LIX1L: variants seen among roughly 807,000 people sequenced by gnomAD.
LIX1L encodes LIX1-like protein.
Under a neutral mutation model 34.0 loss-of-function variants are expected in LIX1L, and 20 were observed. That is an observed-to-expected ratio of 0.59 (90% CI 0.41 to 0.85). LIX1L has a LOEUF of 0.85. LIX1L is among the 40% of genes least tolerant of loss of function. The pLI is 0.00. For missense variants in LIX1L, 397 were observed against 447.0 expected, an observed-to-expected ratio of 0.89 and a Z score of 1.01; for synonymous variants, 170 against 187.4, an observed-to-expected ratio of 0.91 and a Z score of 0.76.
In LIX1L at chr1:145,936,502, G is replaced by A. The variant is rs782438669; in HGVS notation, c.822C>T (p.His274=). The change falls in exon 6 of 6, where the codon CAC becomes CAT. Residue 274 remains histidine, a synonymous_variant. Transcript: ENST00000604000. ...SHRALDDDIR[H]QMALDWVSRE... is the part of the protein sequence containing the mutation. ...GGCTCACCCAGTCCAAGGCCATTTG[G>A]TGGCGAATATCATCATCCAGGGCCC... 1 of 1,614,178 alleles carries A rather than the reference G, an allele frequency of 6.2e-7. No homozygotes were observed. The highest frequency in any genetic ancestry group is 1.1e-5 in the South Asian group (1 of 91,078).
At chr1:145,939,305 ATTT>A (rs61153888) in intron 3 of LIX1L, among the ~76,000 whole-genome samples, 2 of 137,430 alleles carry the variant, frequency 1.5e-5, no homozygotes, top group Non-Finnish European at 1.6e-5. Flanking sequence ...TGGAACCATA[ATTT>A]TTTTTTTTTT....
chr1:145,945,349 T>C (rs193035122), intron 2 of LIX1L, among the ~76,000 whole-genome samples: 7 of 150,672 alleles, frequency 4.6e-5, no homozygotes, highest in Non-Finnish European at 1.5e-5. Flanking sequence ...AAGACAATTC[T>C]CCTCTTTCCA....
chr1:145,945,381 C>T (rs976225217), intron 2 of LIX1L, among the ~76,000 whole-genome samples: 3 of 151,110 alleles, frequency 2.0e-5, no homozygotes, highest in Admixed American at 6.6e-5. Flanking sequence ...AATCAAATTA[C>T]TATAATGTTT....
Position 145,957,989 on chromosome 1 carries a change from C to T in LIX1L, c.-62G>A. 3.3e-6 allele frequency: 4 copies of T among 1,198,710 alleles called. No homozygotes were observed. The highest frequency in any genetic ancestry group is 1.9e-5 in the South Asian group (1 of 53,594). 74.3% of individuals were successfully genotyped at this position (1,198,710 alleles called of 1,614,324 possible). A position where few individuals can be genotyped will look rare whatever the true frequency, so the allele number is the denominator to read the frequency against. ...AGCCTGCCGAGCTAACGGTCCCAAC[C>T]ACCCCAGTCAGCTAGCGCCTGGGGA... is the stretch of plus-strand genomic sequence containing the variant. On this transcript the variant is annotated 5_prime_UTR_variant, in exon 1 of 6. Coordinates refer to ENST00000604000, the MANE Select transcript of LIX1L (RefSeq NM_153713.3).
intron 3 of LIX1L, among the ~76,000 whole-genome samples, chr1:145,940,298 C>T (rs1553758441): frequency 6.6e-6 from 1 of 151,818 alleles, no homozygotes; most frequent in East Asian, 1.9e-4. Flanking sequence ...ATAAATACTG[C>T]ACATCCTACT....
chr1:145,951,127 A>G (rs1211597196), intron 1 of LIX1L, among the ~76,000 whole-genome samples: 1 of 151,972 alleles, frequency 6.6e-6, no homozygotes, highest in Non-Finnish European at 1.5e-5. Flanking sequence ...GCTCACTGCA[A>G]CCTCTACCTC....
intron 2 of LIX1L, among the ~76,000 whole-genome samples, 159 bp from the exon 3 acceptor site, chr1:145,943,012 T>C (rs1648979065): frequency 6.6e-6 from 1 of 152,222 alleles, no homozygotes; most frequent in Non-Finnish European, 1.5e-5. Context: ...GGTAAAGTGG[T>C]TGGGATGTTT....
intron 4 of LIX1L, 170 bp downstream of exon 4, chr1:145,937,434 C>T: frequency 2.0e-6 from 1 of 495,980 alleles, no homozygotes. Context: ...GCTGGGATTA[C>T]AGGCCTGAGC....
chr1:145,941,734 C>T (rs1162272575), intron 3 of LIX1L, among the ~76,000 whole-genome samples: 2 of 152,136 alleles, frequency 1.3e-5, no homozygotes, highest in African/African-American at 4.8e-5. Flanking sequence ...CATTCCACTT[C>T]TGTGTTTTTA....
chr1:145,937,568 ATGTTATTAGAACCAGGGAAGTACATGGG>A lies in LIX1L; in HGVS notation c.693+8_693+35del. ...ATATATTACAGTAGCAGGCTGACCC[ATGTTATTAGAACCAGGGAAGTACATGGG>A]AAAGTACCTGGAACTCCAACATTGA... is the stretch of plus-strand genomic sequence containing the variant. On this transcript the variant is annotated splice_region_variant and intron_variant, in intron 4 of 5. Transcript: ENST00000604000. 2 of 1,285,842 alleles carry A rather than the reference ATGTTATTAGAACCAGGGAAGTACATGGG, an allele frequency of 1.6e-6. No individual in the cohort carries two copies. Among genetic ancestry groups the A allele is most frequent in the Non-Finnish European group, 2.3e-6 (2 of 883,836 alleles). 79.7% of individuals were successfully genotyped at this position (1,285,842 alleles called of 1,614,324 possible). A position where few individuals can be genotyped will look rare whatever the true frequency, so the allele number is the denominator to read the frequency against.
At chr1:145,954,809 A>G (rs2101909737) in intron 1 of LIX1L, among the ~76,000 whole-genome samples, 1 of 152,366 alleles carries the variant, frequency 6.6e-6, no homozygotes, top group South Asian at 2.1e-4. Context: ...CAGGTGCTGC[A>G]TGCTTTATAT....
chr1:145,945,035 G>GAAA (rs782796234), intron 2 of LIX1L, among the ~76,000 whole-genome samples: 6 of 115,816 alleles, frequency 5.2e-5, no homozygotes, highest in African/African-American at 1.9e-4. Context: ...TCTCAAGAAA[G>GAAA]AAAAAAAAAA....
rs1553757361 is a variant in LIX1L at position 145,934,232 on chromosome 1, T to C, written c.*2078A>G. On this transcript the variant is annotated 3_prime_UTR_variant, in exon 6 of 6. Transcript: ENST00000604000. ...ACTTTAGCTGCTGTACTACAGGTTA[T>C]TTCTCTCTTATGTCACCCAGGAGAG... The C allele has an allele frequency of 1.3e-5, 2 of 152,242 alleles. No individual in the cohort carries two copies. Among genetic ancestry groups the C allele is most frequent in the African/African-American group, 4.8e-5 (2 of 41,460 alleles). The allele number at this position is 152,242 out of a possible 1,614,324, so 9.4% of individuals were successfully genotyped here.
intron 5 of LIX1L, 65 bp from the exon 6 acceptor site, chr1:145,936,617 C>A: frequency 1.3e-6 from 2 of 1,576,140 alleles, no homozygotes; most frequent in Non-Finnish European, 1.7e-6. Flanking sequence ...CCACACTGAC[C>A]CAACTGGGAC....
rs1187405747 is a variant in LIX1L, at chr1:145,935,500, A to C, written c.*810T>G. 6.6e-6 allele frequency: 1 copy of C among 152,526 alleles called. No homozygotes were observed. The highest frequency in any genetic ancestry group is 1.9e-4 in the East Asian group (1 of 5,334). 9.4% of individuals were successfully genotyped at this position (152,526 alleles called of 1,614,324 possible). A position where few individuals can be genotyped will look rare whatever the true frequency, so the allele number is the denominator to read the frequency against. On this transcript the variant is annotated 3_prime_UTR_variant, in exon 6 of 6. Transcript: ENST00000604000. Reference sequence around the variant, plus strand: ...TGTTTTACTTTCTACTAATAGCTGCAGGCAGGAAGGTCCAAACGCAGGGTT... The same window carrying C: ...TGTTTTACTTTCTACTAATAGCTGCCGGCAGGAAGGTCCAAACGCAGGGTT...
At chr1:145,956,606 T>C (rs1649481543) in intron 1 of LIX1L, among the ~76,000 whole-genome samples, 1 of 152,214 alleles carries the variant, frequency 6.6e-6, no homozygotes, top group Non-Finnish European at 1.5e-5. Flanking sequence ...AACTTTTCTC[T>C]GTATTATTGT....
intron 2 of LIX1L, among the ~76,000 whole-genome samples, chr1:145,943,874 CAA>C (rs1294799465): frequency 7.7e-6 from 1 of 130,656 alleles, no homozygotes. Context: ...CTGTCTCTAC[CAA>C]AAAAAAAAAA....
intron 1 of LIX1L, 26 bp downstream of exon 1, chr1:145,957,610 G>C: frequency 6.7e-7 from 1 of 1,484,404 alleles, no homozygotes; most frequent in South Asian, 1.3e-5. Context: ...AGGGTGTCGC[G>C]CAGGAGGCCA....
In LIX1L at chr1:145,936,320, G is replaced by T; in HGVS notation, c.1004C>A (p.Ser335Tyr). 1 of 1,614,108 alleles carries T rather than the reference G, an allele frequency of 6.2e-7. No individual in the cohort carries two copies. The highest frequency in any genetic ancestry group is 8.5e-7 in the Non-Finnish European group (1 of 1,179,992). Residue 335 changes from serine (S) to tyrosine (Y), a missense_variant, in exon 6 of 6, where the codon TCC (serine) becomes TAC (tyrosine). By Grantham distance (144) the Ser-to-Tyr change is moderately radical (BLOSUM62 -2). Transcript: ENST00000604000. ...TATGTGGGTGGATGCCTAGCAGTTG[G>T]AAGAATGCATATTGCCCAACTGCCC... ...AAGQLGNMHS[S>Y]NC
Sources: allele counts gnomAD v4.1 joint callset (sites outside exome capture counted in the v4.1 genomes callset), GRCh38; gene constraint gnomAD v4.1.1; transcripts MANE v1.5; gene names NCBI Gene and HGNC (gene_info 2026-07-23, HGNC 2026-07-21).